The following UNC5D variants were observed in gnomAD, a reference collection of about 807,000 sequenced individuals.
The protein encoded by UNC5D is netrin receptor UNC5D.
In UNC5D, 39 loss-of-function variants were observed where a neutral mutation model predicts 105.4. The observed-to-expected ratio is 0.37, with a 90% CI of 0.29 to 0.48. UNC5D has a LOEUF of 0.48. UNC5D is among the 20% of genes least tolerant of loss of function. The probability of loss-of-function intolerance (pLI) is 0.98; values close to 1 mark genes in which losing one functional copy is unlikely to be tolerated. For synonymous variants in UNC5D, 452 were observed against 450.4 expected (o/e 1.00, Z -0.04); for missense variants, 991 against 1,202.4 (o/e 0.82, Z 2.60).
chr8:35,519,689 A>G (rs1036963859), intron 1 of UNC5D, among the ~76,000 whole-genome samples: 1 of 152,168 alleles, frequency 6.6e-6, no homozygotes, highest in Non-Finnish European at 1.5e-5. Context: ...TTTTCACATA[A>G]TAGTAGAATA....
chr8:35,587,112 C>T (rs979591375), intron 3 of UNC5D, among the ~76,000 whole-genome samples: 4 of 152,092 alleles, frequency 2.6e-5, no homozygotes, highest in African/African-American at 9.7e-5. Flanking sequence ...TAGCCAAGTA[C>T]CCGGCTTTGT....
At chr8:35,607,396 C>T (rs139978605) in intron 4 of UNC5D, among the ~76,000 whole-genome samples, 1,660 of 152,286 alleles carry the variant, frequency 0.011, 8 homozygotes, top group Middle Eastern at 0.017. Context: ...TGAAATCCAA[C>T]AGCATTAATT....
At chr8:35,689,417 C>G (rs779949420) in intron 7 of UNC5D, among the ~76,000 whole-genome samples, 1 of 152,174 alleles carries the variant, frequency 6.6e-6, no homozygotes, top group Non-Finnish European at 1.5e-5. Context: ...CTGTATTAGT[C>G]AGGGTTCTCC....
chr8:35,370,366 TATTTA>T (rs1392810203), intron 1 of UNC5D, among the ~76,000 whole-genome samples: 10 of 152,238 alleles, frequency 6.6e-5, no homozygotes, highest in Non-Finnish European at 1.5e-4. Flanking sequence ...TACCTTTTAA[TATTTA>T]ATTTACAATG....
intron 2 of UNC5D, among the ~76,000 whole-genome samples, chr8:35,565,849 T>C (rs976113945): frequency 2.0e-5 from 3 of 152,248 alleles, no homozygotes; most frequent in Non-Finnish European, 2.9e-5. Context: ...TATGTTTTTG[T>C]CTGCTTCTAA....
At chr8:35,535,894 G>A (rs998623470) in intron 1 of UNC5D, among the ~76,000 whole-genome samples, 1 of 152,082 alleles carries the variant, frequency 6.6e-6, no homozygotes, top group African/African-American at 2.4e-5. Context: ...GCTATTGAAT[G>A]CACACAACAA....
At chr8:35,603,122 T>G (rs180824325) in intron 4 of UNC5D, among the ~76,000 whole-genome samples, 1 of 152,288 alleles carries the variant, frequency 6.6e-6, no homozygotes, top group Admixed American at 6.5e-5. Context: ...TCTCTAGTTC[T>G]TTTAATTGTG....
At chr8:35,254,621 C>G (rs1803947239) in intron 1 of UNC5D, 1 of 152,202 alleles carries the variant, frequency 6.6e-6, no homozygotes, top group Non-Finnish European at 1.5e-5. Context: ...GCACCTCTGC[C>G]TTTGTTCATG....
intron 1 of UNC5D, among the ~76,000 whole-genome samples, chr8:35,339,180 A>T (rs1811271733): frequency 1.3e-5 from 2 of 152,234 alleles, no homozygotes; most frequent in South Asian, 4.1e-4. Context: ...AAAGGAATCT[A>T]TCCATTCCTC....
chr8:35,396,407 C>T (rs1162261942), intron 1 of UNC5D, among the ~76,000 whole-genome samples: 1 of 152,168 alleles, frequency 6.6e-6, no homozygotes, highest in Admixed American at 6.5e-5. Flanking sequence ...GCACCTCGTT[C>T]CCCCAGCAGC....
At chr8:35,375,824 C>G (rs1204581111) in intron 1 of UNC5D, among the ~76,000 whole-genome samples, 2 of 152,086 alleles carry the variant, frequency 1.3e-5, no homozygotes, top group African/African-American at 2.4e-5. Flanking sequence ...TATTTTTAAT[C>G]CCTTTTGTGT....
At chr8:35,624,273 T>C (rs1471558670) in intron 4 of UNC5D, among the ~76,000 whole-genome samples, 1 of 152,168 alleles carries the variant, frequency 6.6e-6, no homozygotes, top group Non-Finnish European at 1.5e-5. Flanking sequence ...GAAGCCACAA[T>C]CTCTTTAGTT....
chr8:35,656,626 C>T (rs1440222574), intron 4 of UNC5D, among the ~76,000 whole-genome samples: 2 of 152,118 alleles, frequency 1.3e-5, no homozygotes, highest in Non-Finnish European at 2.9e-5. Context: ...CAAACCTTAA[C>T]CCTCTTTGAG....
At chr8:35,601,586 T>C (rs1292201126) in intron 4 of UNC5D, among the ~76,000 whole-genome samples, 2 of 152,300 alleles carry the variant, frequency 1.3e-5, no homozygotes, top group Non-Finnish European at 2.9e-5. Flanking sequence ...TCACTCATGA[T>C]TTGGCTCTCT....
chr8:35,538,399 ATATATATATATAT>A (rs1815010626), intron 1 of UNC5D, among the ~76,000 whole-genome samples: 1 of 23,506 alleles, frequency 4.3e-5, no homozygotes, highest in African/African-American at 4.1e-4. Context: ...AAATAATTAT[ATATATATATATAT>A]ATATATATAT....
At chr8:35,769,885 C>T (rs1801935028) in intron 15 of UNC5D, among the ~76,000 whole-genome samples, 1 of 152,142 alleles carries the variant, frequency 6.6e-6, no homozygotes, top group African/African-American at 2.4e-5. Context: ...ATTGCTTGAA[C>T]CCAGAAGGCA....
At chr8:35,708,735 C>CAA (rs2131468159) in intron 8 of UNC5D, among the ~76,000 whole-genome samples, 1 of 152,286 alleles carries the variant, frequency 6.6e-6, no homozygotes, top group South Asian at 2.1e-4. Flanking sequence ...ACTATACAGT[C>CAA]TCTCTTCATC....
chr8:35,366,696 G>A (rs1379313077), intron 1 of UNC5D, among the ~76,000 whole-genome samples: 1 of 151,982 alleles, frequency 6.6e-6, no homozygotes, highest in Non-Finnish European at 1.5e-5. Context: ...TTAGGATGCT[G>A]GATAATGTGC....
At position 35,595,375 on chromosome 8, in the gene UNC5D, T is replaced by C. The variant is rs10105326; in HGVS notation, c.467-179T>C. Reference sequence around the variant, plus strand: ...ACTGTTTTGTCCAGGTTATTTCACATGCATTTATGAATATTTGGAAAAACG... The same window carrying C: ...ACTGTTTTGTCCAGGTTATTTCACACGCATTTATGAATATTTGGAAAAACG... On this transcript the variant is annotated intron_variant, in intron 3 of 16. Transcript: ENST00000404895. Among the ~76,000 whole-genome samples the C allele has an allele frequency of 5.4e-3, 828 of 152,330 alleles. 7 individuals are homozygous for C. The highest frequency in any genetic ancestry group is 0.018 in the African/African-American group (763 of 41,584).
Sources: allele counts gnomAD v4.1 joint callset (sites outside exome capture counted in the v4.1 genomes callset), GRCh38; gene constraint gnomAD v4.1.1; transcripts MANE v1.5; gene names NCBI Gene and HGNC (gene_info 2026-07-23, HGNC 2026-07-21).